SH3RF3: variants seen among roughly 807,000 people sequenced by gnomAD.
SH3RF3 encodes SH3 domain containing ring finger 3, also known as E3 ubiquitin-protein ligase SH3RF3.
SH3RF3 carries 29 observed loss-of-function variants against 66.3 expected under a neutral mutation model. The ratio of observed to expected loss-of-function variants is 0.44; its 90% CI spans 0.33 to 0.60. The LOEUF (loss-of-function observed/expected upper bound fraction) is 0.60, where lower values mean the gene tolerates loss of function less well. SH3RF3 is among the 20% of genes least tolerant of loss of function. The pLI, the probability that SH3RF3 is intolerant of heterozygous loss-of-function variation, is 0.04. For missense variants in SH3RF3, 1,194 were observed against 1,190.9 expected (o/e 1.00, Z -0.04); for synonymous variants, 583 against 532.0 (o/e 1.10, Z -1.32).
intron 1 of SH3RF3, among the ~76,000 whole-genome samples, chr2:109,199,602 TG>T (rs1678605693): frequency 5.9e-3 from 2 of 340 alleles, no homozygotes; most frequent in African/African-American, 0.016. Flanking sequence ...TGGAATGGAA[TG>T]GAATGGAATG....
chr2:109,389,774 C>T (rs754427036), intron 3 of SH3RF3, among the ~76,000 whole-genome samples: 1 of 151,998 alleles, frequency 6.6e-6, no homozygotes, highest in South Asian at 2.1e-4. Context: ...ATGTATAATG[C>T]GAGTGATCAT....
chr2:109,434,367 T>C (rs1677338896), intron 6 of SH3RF3, among the ~76,000 whole-genome samples: 1 of 152,230 alleles, frequency 6.6e-6, no homozygotes, highest in African/African-American at 2.4e-5. Flanking sequence ...CCAGTTTCTC[T>C]CCTCTGATTC....
intron 3 of SH3RF3, among the ~76,000 whole-genome samples, chr2:109,383,874 C>CA (rs1263767940): frequency 6.6e-6 from 1 of 152,180 alleles, no homozygotes; most frequent in Non-Finnish European, 1.5e-5. Flanking sequence ...AGTAATTTCT[C>CA]ATCCCTCAGC....
chr2:109,243,363 C>G (rs1298394980), intron 1 of SH3RF3, among the ~76,000 whole-genome samples: 1 of 152,258 alleles, frequency 6.6e-6, no homozygotes, highest in Non-Finnish European at 1.5e-5. Flanking sequence ...CTGTTCACCC[C>G]TTACCAGATA....
intron 8 of SH3RF3, among the ~76,000 whole-genome samples, chr2:109,459,183 T>C (rs1678147459): frequency 6.6e-6 from 1 of 152,122 alleles, no homozygotes; most frequent in Non-Finnish European, 1.5e-5. Context: ...GTGCAACTTA[T>C]ATTACATGGT....
chr2:109,443,290 T>C (rs1315569681), intron 7 of SH3RF3, among the ~76,000 whole-genome samples: 1 of 152,238 alleles, frequency 6.6e-6, no homozygotes, highest in South Asian at 2.1e-4. Flanking sequence ...GGGATTCAAA[T>C]ACTGTCCAAC....
intron 8 of SH3RF3, among the ~76,000 whole-genome samples, chr2:109,489,659 G>A (rs915766944): frequency 6.6e-6 from 1 of 151,424 alleles, no homozygotes; most frequent in Non-Finnish European, 1.5e-5. Context: ...CCTGCCCTGG[G>A]GGCCTCGGGG....
At chr2:109,460,165 T>C (rs1457550355) in intron 8 of SH3RF3, among the ~76,000 whole-genome samples, 1 of 152,232 alleles carries the variant, frequency 6.6e-6, no homozygotes, top group East Asian at 1.9e-4. Flanking sequence ...CAGTGCTGTG[T>C]GGAATACCGT....
At chr2:109,144,430 G>A (rs369989475) in intron 1 of SH3RF3, among the ~76,000 whole-genome samples, 1 of 152,178 alleles carries the variant, frequency 6.6e-6, no homozygotes, top group African/African-American at 2.4e-5. Flanking sequence ...TCACCATGAC[G>A]TCTCTAGGTT....
At chr2:109,353,772 C>T (rs1018486893) in intron 2 of SH3RF3, among the ~76,000 whole-genome samples, 2 of 152,206 alleles carry the variant, frequency 1.3e-5, no homozygotes, top group Non-Finnish European at 2.9e-5. Flanking sequence ...GAGAGAGTCT[C>T]CCCTGCCCGT....
intron 4 of SH3RF3, among the ~76,000 whole-genome samples, chr2:109,400,134 A>T (rs569137038): frequency 6.6e-6 from 1 of 152,358 alleles, no homozygotes; most frequent in African/African-American, 2.4e-5. Context: ...GAATTGTCTT[A>T]AAAATTGCTG....
chr2:109,495,389 T>A (rs1339083287), intron 9 of SH3RF3, among the ~76,000 whole-genome samples: 1 of 151,728 alleles, frequency 6.6e-6, no homozygotes, highest in Non-Finnish European at 1.5e-5. Context: ...TTCTGCACCT[T>A]GGCAGTATCA....
chr2:109,229,711 C>T (rs1156876904), intron 1 of SH3RF3, among the ~76,000 whole-genome samples: 3 of 152,068 alleles, frequency 2.0e-5, no homozygotes, highest in African/African-American at 4.8e-5. Context: ...CTAGGTACCT[C>T]GTATAACTGG....
At chr2:109,202,286 C>G (rs891639085) in intron 1 of SH3RF3, among the ~76,000 whole-genome samples, 2 of 152,156 alleles carry the variant, frequency 1.3e-5, no homozygotes, top group African/African-American at 2.4e-5. Context: ...ATCTCGGCAG[C>G]GTCTGGACCC....
intron 5 of SH3RF3, among the ~76,000 whole-genome samples, chr2:109,426,854 A>T (rs1339357675): frequency 6.6e-6 from 1 of 152,114 alleles, no homozygotes; most frequent in East Asian, 1.9e-4. Flanking sequence ...TTTAGCCACC[A>T]CCACCCTGAG....
In SH3RF3 at chr2:109,467,070, C is replaced by T. The variant is rs72947133; in HGVS notation, c.2148+17581C>T. Reference sequence around the variant, plus strand: ...CTGGTGGAAATGTAAAATGGCACAACTACTTGGGAAAATGGTTCAGCAATT... The same window carrying T: ...CTGGTGGAAATGTAAAATGGCACAATTACTTGGGAAAATGGTTCAGCAATT... On this transcript the variant is annotated intron_variant, in intron 8 of 9. Transcript: ENST00000309415. Among the ~76,000 whole-genome samples the T allele has an allele frequency of 7.8e-3, 1,195 of 152,340 alleles. 21 individuals are homozygous for T. Among genetic ancestry groups the T allele is most frequent in the African/African-American group, 0.026 (1,089 of 41,572 alleles).
intron 6 of SH3RF3, among the ~76,000 whole-genome samples, chr2:109,436,435 C>T (rs1290182511): frequency 6.6e-6 from 1 of 152,198 alleles, no homozygotes; most frequent in Non-Finnish European, 1.5e-5. Flanking sequence ...CTGTGTGTGC[C>T]CTTTCCCAGC....
At chr2:109,267,506 C>CT (rs1401621406) in intron 1 of SH3RF3, among the ~76,000 whole-genome samples, 1 of 152,176 alleles carries the variant, frequency 6.6e-6, no homozygotes, top group Non-Finnish European at 1.5e-5. Context: ...GGTGGAAAGT[C>CT]TTTGTGCTTG....
intron 1 of SH3RF3, among the ~76,000 whole-genome samples, chr2:109,252,487 C>T (rs1007384384): frequency 5.3e-5 from 8 of 152,142 alleles, no homozygotes; most frequent in East Asian, 1.9e-4. Context: ...GTTGATCAGC[C>T]GTCCTGGTGT....
Sources: allele counts gnomAD v4.1 joint callset (sites outside exome capture counted in the v4.1 genomes callset), GRCh38; gene constraint gnomAD v4.1.1; transcripts MANE v1.5; gene names NCBI Gene and HGNC (gene_info 2026-07-23, HGNC 2026-07-21).